ALDH5A1: variants seen among roughly 807,000 people sequenced by gnomAD.
ALDH5A1 encodes the protein aldehyde dehydrogenase 5 family member A1, also known as succinate-semialdehyde dehydrogenase, mitochondrial.
ALDH5A1 carries 33 observed loss-of-function variants against 54.7 expected under a neutral mutation model. The ratio of observed to expected loss-of-function variants is 0.60; its 90% confidence interval spans 0.46 to 0.81. The LOEUF (loss-of-function observed/expected upper bound fraction) is 0.81. ALDH5A1 is among the 30% of genes least tolerant of loss of function. The pLI, the probability that ALDH5A1 is intolerant of heterozygous loss-of-function variation, is 0.00. For synonymous variants in ALDH5A1, 294 were observed against 292.7 expected (o/e 1.00, Z -0.05); for missense variants, 657 against 711.0 (o/e 0.92, Z 0.86).
chr6:24,506,859 A>C (rs1456020598), intron 4 of ALDH5A1, among the ~76,000 whole-genome samples: 1 of 148,314 alleles, frequency 6.7e-6, no homozygotes, highest in Non-Finnish European at 1.5e-5. Flanking sequence ...ATTTGTTACA[A>C]TTAATGAATC....
intron 4 of ALDH5A1, among the ~76,000 whole-genome samples, chr6:24,506,024 CT>C (rs1759338329): frequency 6.6e-6 from 1 of 151,638 alleles, no homozygotes; most frequent in African/African-American, 2.4e-5. Context: ...CTCTGCTTTG[CT>C]TTTTCCCCCA....
intron 8 of ALDH5A1, among the ~76,000 whole-genome samples, chr6:24,530,463 A>G (rs1284272895): frequency 2.6e-5 from 4 of 151,976 alleles, no homozygotes; most frequent in African/African-American, 9.7e-5. Flanking sequence ...ACATCTTGTA[A>G]TTTTCCCTGT....
chr6:24,524,355 G>A (rs886449205), intron 7 of ALDH5A1, among the ~76,000 whole-genome samples: 1 of 152,286 alleles, frequency 6.6e-6, no homozygotes, highest in South Asian at 2.1e-4. Flanking sequence ...TGGGAAAGAA[G>A]GGAGGAGAGG....
At position 24,533,788 on chromosome 6, in the gene ALDH5A1, ATAAAC is replaced by A; in HGVS notation, c.*80_*84del. 7.4e-7 allele frequency: 1 copy of A among 1,345,212 alleles called. No homozygotes were observed. The highest frequency in any genetic ancestry group is 2.4e-5 in the East Asian group (1 of 41,792). The allele number at this position is 1,345,212 out of a possible 1,614,324, so 83.3% of individuals were successfully genotyped here. On this transcript the variant is annotated 3_prime_UTR_variant, in exon 10 of 10. Coordinates refer to ENST00000357578, the MANE Select transcript of ALDH5A1 (RefSeq NM_001080.3). ...AGGTACATGCCATCCATTATTTTAA[ATAAAC>A]TAATAGGTTTTCAGAATTATGAATT...
intron 4 of ALDH5A1, among the ~76,000 whole-genome samples, chr6:24,505,298 A>C (rs1184858472): frequency 6.6e-6 from 1 of 152,062 alleles, no homozygotes; most frequent in Non-Finnish European, 1.5e-5. Flanking sequence ...CTTATTTCCC[A>C]TTCCCATTCC....
At chr6:24,516,026 C>A (rs557698490) in intron 5 of ALDH5A1, among the ~76,000 whole-genome samples, 2 of 152,166 alleles carry the variant, frequency 1.3e-5, no homozygotes, top group Admixed American at 1.3e-4. Flanking sequence ...TCTAAAAGTA[C>A]TTAGAGAAAT....
Position 24,497,310 on chromosome 6 carries a change from TGCTGATTGGTGCGTTTTACAGAGC to T in ALDH5A1, c.354+1973_354+1996del, listed in dbSNP as rs375434997. Reference sequence around the variant, plus strand: ...CTGCGATTGGCTACTTTTAGGATCCTGCTGATTGGTGCGTTTTACAGAGCGCTGATTGGTGCATTTTACAGAGCG... The same window carrying T: ...CTGCGATTGGCTACTTTTAGGATCCTGCTGATTGGTGCATTTTACAGAGCG... On this transcript the variant is annotated intron_variant, in intron 1 of 9. Coordinates refer to ENST00000357578, the MANE Select transcript of ALDH5A1 (RefSeq NM_001080.3). Among the ~76,000 whole-genome samples, 1,139 of 152,296 alleles carry T rather than the reference TGCTGATTGGTGCGTTTTACAGAGC, an allele frequency of 7.5e-3. 5 individuals carry two copies. Among genetic ancestry groups the T allele is most frequent in the African/African-American group, 0.018 (746 of 41,552 alleles).
chr6:24,527,201 A>C (rs1277873753), intron 7 of ALDH5A1, among the ~76,000 whole-genome samples: 3 of 151,824 alleles, frequency 2.0e-5, no homozygotes, highest in South Asian at 4.2e-4. Context: ...GCAAATTATC[A>C]ATCAGGTGGA....
intron 4 of ALDH5A1, among the ~76,000 whole-genome samples, chr6:24,505,828 C>G (rs988938625): frequency 2.1e-4 from 32 of 152,084 alleles, no homozygotes; most frequent in Non-Finnish European, 4.1e-4. Flanking sequence ...ATTAGCTGGG[C>G]GTGGTGGCAT....
chr6:24,510,602 G>A (rs1218235379), intron 4 of ALDH5A1, among the ~76,000 whole-genome samples: 1 of 152,020 alleles, frequency 6.6e-6, no homozygotes, highest in Non-Finnish European at 1.5e-5. Context: ...AGTTTGTTTT[G>A]TCTAATATAA....
chr6:24,524,037 G>T (rs1759757008), intron 7 of ALDH5A1, among the ~76,000 whole-genome samples: 1 of 145,924 alleles, frequency 6.9e-6, no homozygotes, highest in Non-Finnish European at 1.5e-5. Context: ...CCAGGCTAGA[G>T]TATAGTGGTG....
intron 4 of ALDH5A1, among the ~76,000 whole-genome samples, chr6:24,512,592 C>G (rs1283865433): frequency 1.3e-5 from 2 of 152,034 alleles, no homozygotes; most frequent in African/African-American, 4.8e-5. Context: ...GTTGGTTGTT[C>G]TTTTGTGTCT....
At chr6:24,515,028 T>A (rs1759535781) in intron 4 of ALDH5A1, 139 bp from the exon 5 acceptor site, 6 of 824,916 alleles carry the variant, frequency 7.3e-6, no homozygotes, top group Non-Finnish European at 1.2e-5. Context: ...AAATATATTC[T>A]TAGTCTGTCC....
chr6:24,511,174 T>C (rs1759450368), intron 4 of ALDH5A1, among the ~76,000 whole-genome samples: 1 of 152,146 alleles, frequency 6.6e-6, no homozygotes, highest in South Asian at 2.1e-4. Flanking sequence ...GTTTGTAGGG[T>C]TTCTGCTGAG....
At chr6:24,495,400 G>A (rs1446417917) in intron 1 of ALDH5A1, 50 bp downstream of exon 1, 9 of 1,506,404 alleles carry the variant, frequency 6.0e-6, no homozygotes, top group Non-Finnish European at 7.1e-6. Context: ...GACACGGCGG[G>A]GAGCAGAGGG....
At chr6:24,515,409 A>G (rs1759551556) in intron 5 of ALDH5A1, 99 bp downstream of exon 5, 12 of 1,428,654 alleles carry the variant, frequency 8.4e-6, no homozygotes, top group African/African-American at 1.4e-5. Context: ...AATTTTGGAA[A>G]GATTTCCAGC....
chr6:24,521,857 ATTT>A (rs71542679), intron 6 of ALDH5A1, among the ~76,000 whole-genome samples: 1 of 98,230 alleles, frequency 1.0e-5, no homozygotes, highest in South Asian at 3.5e-4. Flanking sequence ...TGTCTCTACA[ATTT>A]TTTTTTTTTT....
intron 7 of ALDH5A1, among the ~76,000 whole-genome samples, chr6:24,525,414 G>A (rs1255664141): frequency 6.6e-6 from 1 of 151,894 alleles, no homozygotes; most frequent in Non-Finnish European, 1.5e-5. Flanking sequence ...AAATTCAGCT[G>A]AGGGCCGGGC....
At chr6:24,499,668 C>CTT (rs869265243) in intron 1 of ALDH5A1, among the ~76,000 whole-genome samples, 97 of 66,730 alleles carry the variant, frequency 1.5e-3, no homozygotes, top group African/African-American at 5.7e-3. Context: ...AATTTCTTTT[C>CTT]TTTTTTTTTT....
Sources: gnomAD v4.1 joint callset for allele counts (sites outside exome capture counted in the v4.1 genomes callset) on GRCh38, gnomAD v4.1.1 for gene constraint, MANE v1.5 for transcripts, NCBI Gene and HGNC (gene_info 2026-07-23, HGNC 2026-07-21) for gene names.